RANBP2: variants seen among roughly 807,000 people sequenced by gnomAD.
RANBP2 encodes the protein E3 SUMO-protein ligase RanBP2.
RANBP2 carries 57 observed loss-of-function variants against 303.6 expected under a neutral mutation model. The ratio of observed to expected loss-of-function variants is 0.19; its 90% CI spans 0.15 to 0.23. The LOEUF is 0.23. RANBP2 is among the 10% of genes least tolerant of loss of function. The pLI is 1.00. For synonymous variants in RANBP2, 1,167 were observed against 1,301.5 expected (o/e 0.90, Z 2.23); for missense variants, 3,138 against 3,780.8 (o/e 0.83, Z 4.46).
At position 108,764,087 on chromosome 2, in the gene RANBP2, A is replaced by T. The variant is rs1313965189; in HGVS notation, c.3548A>T (p.Glu1183Val). 12 of 1,613,990 alleles carry T rather than the reference A, an allele frequency of 7.4e-6. No individual in the cohort carries two copies. In the East Asian group the frequency reaches 2.7e-4, roughly 36 times the overall value. Reference sequence around the variant, plus strand: ...GTAGTACCTCTTCCTGATAAGATTGAAGTAAAAACTGGTGAGGAAGATGAA... The same window carrying T: ...GTAGTACCTCTTCCTGATAAGATTGTAGTAAAAACTGGTGAGGAAGATGAA... ...EPVVPLPDKIEVKTGEEDEEE... is the reference protein window; with the variant it reads ...EPVVPLPDKIVVKTGEEDEEE... The change falls in exon 20 of 29, where the codon GAA (glutamate) becomes GTA (valine). Residue 1183 changes from glutamate to valine, a missense_variant. By Grantham distance (121) the Glu-to-Val change is moderately radical (BLOSUM62 -2). Coordinates refer to ENST00000283195, the MANE Select transcript of RANBP2 (RefSeq NM_006267.5).
At chr2:109,703,460 G>A in the RANBP2 span, among the ~76,000 whole-genome samples, 6 of 152,110 alleles carry the variant, frequency 3.9e-5, no homozygotes, top group Admixed American at 3.3e-4. Flanking sequence ...ATGGAGTCTC[G>A]CTCTGTCGCC....
the RANBP2 span, among the ~76,000 whole-genome samples, chr2:109,285,010 C>T: frequency 2.6e-5 from 4 of 152,244 alleles, no homozygotes; most frequent in Admixed American, 6.5e-5. Context: ...TCTGGGAGGA[C>T]GTTGTCTGTG....
the RANBP2 span, among the ~76,000 whole-genome samples, chr2:109,690,731 A>T: frequency 6.6e-6 from 1 of 150,978 alleles, no homozygotes; most frequent in Non-Finnish European, 1.5e-5. Context: ...CTCCTGAGAA[A>T]CACCTTGGGT....
chr2:108,738,009 C>T (rs1485151409), intron 6 of RANBP2, among the ~76,000 whole-genome samples: 1 of 150,594 alleles, frequency 6.6e-6, no homozygotes, highest in Non-Finnish European at 1.5e-5. Context: ...CCACCGCGCC[C>T]AGCCCACACC....
At chr2:109,701,359 T>A in the RANBP2 span, among the ~76,000 whole-genome samples, 1 of 152,196 alleles carries the variant, frequency 6.6e-6, no homozygotes, top group South Asian at 2.1e-4. Context: ...GGCCTCAGGA[T>A]GTGCCCAAGG....
chr2:109,319,672 T>C, the RANBP2 span, among the ~76,000 whole-genome samples: 1 of 152,212 alleles, frequency 6.6e-6, no homozygotes. Flanking sequence ...TCCTCTCTTT[T>C]TAAAGTGTGC....
the RANBP2 span, among the ~76,000 whole-genome samples, chr2:109,022,786 C>T: frequency 1.3e-5 from 2 of 152,068 alleles, no homozygotes; most frequent in East Asian, 3.9e-4. Context: ...CGTGGTGGCT[C>T]ACGCATGTAA....
the RANBP2 span, among the ~76,000 whole-genome samples, chr2:109,329,513 T>G: frequency 6.6e-6 from 1 of 152,198 alleles, no homozygotes; most frequent in Non-Finnish European, 1.5e-5. Context: ...GGAGAACAAC[T>G]GAACACATCC....
At chr2:109,529,769 G>T in the RANBP2 span, among the ~76,000 whole-genome samples, 4 of 152,100 alleles carry the variant, frequency 2.6e-5, no homozygotes, top group African/African-American at 9.7e-5. Context: ...CAACCCTGGG[G>T]CTCAACCTGA....
the RANBP2 span, chr2:108,794,854 A>C: frequency 2.9e-6 from 2 of 679,996 alleles, no homozygotes; most frequent in African/African-American, 1.8e-5. Context: ...ACGGAAGGGG[A>C]CAAACTCAAA....
chr2:109,075,652 T>C, the RANBP2 span, among the ~76,000 whole-genome samples: 1 of 144,560 alleles, frequency 6.9e-6, no homozygotes, highest in East Asian at 2.0e-4. Context: ...TTACAATGGA[T>C]ATCTGAGAAA....
the RANBP2 span, among the ~76,000 whole-genome samples, chr2:109,687,676 CT>C: frequency 6.6e-6 from 1 of 151,972 alleles, no homozygotes; most frequent in Non-Finnish European, 1.5e-5. Context: ...CTGTACCATT[CT>C]TATGGTCCTG....
At chr2:108,942,620 G>A in the RANBP2 span, among the ~76,000 whole-genome samples, 12 of 152,260 alleles carry the variant, frequency 7.9e-5, no homozygotes, top group Admixed American at 7.9e-4. Context: ...CCGTGAGGCG[G>A]GCGGTTCCGC....
At chr2:109,055,682 C>A in the RANBP2 span, among the ~76,000 whole-genome samples, 5 of 151,044 alleles carry the variant, frequency 3.3e-5, no homozygotes, top group African/African-American at 1.2e-4. Flanking sequence ...CCACGCCCAG[C>A]GGCCTTTTCA....
At chr2:109,639,799 C>G in the RANBP2 span, among the ~76,000 whole-genome samples, 1 of 151,256 alleles carries the variant, frequency 6.6e-6, no homozygotes, top group South Asian at 2.1e-4. Flanking sequence ...CAACCTCCAC[C>G]TCCTGGGTTC....
At chr2:109,154,434 A>G in the RANBP2 span, among the ~76,000 whole-genome samples, 21,534 of 152,232 alleles carry the variant, frequency 0.14, 1,687 homozygotes, top group Middle Eastern at 0.21. Context: ...TTGAAGCTGC[A>G]GCATCATGGG....
the RANBP2 span, among the ~76,000 whole-genome samples, chr2:109,761,268 C>T: frequency 2.0e-5 from 3 of 147,314 alleles, no homozygotes; most frequent in African/African-American, 7.5e-5. Flanking sequence ...CTTTCTGTCT[C>T]TCCCACCCAC....
the RANBP2 span, among the ~76,000 whole-genome samples, chr2:109,058,634 T>A: frequency 5.3e-5 from 8 of 152,330 alleles, no homozygotes; most frequent in Middle Eastern, 0.014. Context: ...CTGCTGCCAC[T>A]CTGCAGCTGA....
At chr2:109,345,724 T>C in the RANBP2 span, among the ~76,000 whole-genome samples, 123 of 152,336 alleles carry the variant, frequency 8.1e-4, 1 homozygote, top group Middle Eastern at 3.4e-3. Context: ...AAAGTATTCG[T>C]AGACTAAGTT....
Sources: allele counts gnomAD v4.1 joint callset (sites outside exome capture counted in the v4.1 genomes callset), GRCh38; gene constraint gnomAD v4.1.1; transcripts MANE v1.5; gene names NCBI Gene and HGNC (gene_info 2026-07-23, HGNC 2026-07-21).